The following NAV2 variants were observed in gnomAD, a reference collection of about 807,000 sequenced individuals.
NAV2 encodes neuron navigator 2, also known as helicase, APC down-regulated 1.
A neutral mutation model predicts 223.2 loss-of-function variants in NAV2; 54 were observed. That is an observed-to-expected ratio of 0.24 (90% CI 0.19 to 0.30). The LOEUF (loss-of-function observed/expected upper bound fraction) is 0.30, where lower values mean the gene tolerates loss of function less well. Among genes scored for constraint, NAV2 ranks in the 10% least tolerant of loss-of-function variants. NAV2 has a pLI of 1.00. For missense variants in NAV2, 2,806 were observed against 3,147.5 expected (o/e 0.89, Z 2.60); for synonymous variants, 1,279 against 1,239.3 (o/e 1.03, Z -0.67).
At chr11:19,408,412 A>G (rs1409618221) in intron 1 of NAV2, among the ~76,000 whole-genome samples, 1 of 152,244 alleles carries the variant, frequency 6.6e-6, no homozygotes, top group Non-Finnish European at 1.5e-5. Flanking sequence ...CAGTCACTCC[A>G]GATAATTTTT....
At chr11:19,549,133 C>T (rs1017598819) in intron 1 of NAV2, among the ~76,000 whole-genome samples, 2 of 152,146 alleles carry the variant, frequency 1.3e-5, no homozygotes, top group Non-Finnish European at 2.9e-5. Flanking sequence ...AAGGACATTT[C>T]TTATTGTCTT....
intron 26 of NAV2, among the ~76,000 whole-genome samples, chr11:20,086,221 G>C (rs541818010): frequency 3.5e-4 from 53 of 152,302 alleles, no homozygotes; most frequent in Non-Finnish European, 6.5e-4. Context: ...AATTTACAAA[G>C]ATCAGTCTCT....
Position 19,934,246 on chromosome 11 carries a change from A to C in NAV2, c.2002A>C (p.Asn668His), listed in dbSNP as rs1344366531. The C allele has an allele frequency of 1.2e-6, 2 of 1,607,040 alleles. No homozygotes were observed. The highest frequency in any genetic ancestry group is 8.5e-7 in the Non-Finnish European group (1 of 1,176,480). Residue 668 changes from asparagine to histidine, a missense_variant, in exon 7 of 38, where the codon AAC (asparagine) becomes CAC (histidine). Around this residue, in one of 4 missense-constraint regions of NAV2, gnomAD observed 1,167 missense variants for 1,180.5 expected, o/e 0.99. Transcript: ENST00000349880. ...PQPQQQYNHP[N>H]TATVAPFLYR... ...GCCCCAGCAGCAATACAACCATCCC[A>C]ACACTGCCACGGTTGCACCTTTCCT...
At chr11:19,591,358 A>G (rs2046054423) in intron 1 of NAV2, 1 of 152,220 alleles carries the variant, frequency 6.6e-6, no homozygotes, top group Non-Finnish European at 1.5e-5. Context: ...GGTCCAGGAT[A>G]GTTTCTCATT....
intron 1 of NAV2, among the ~76,000 whole-genome samples, chr11:19,723,006 T>A (rs1398157752): frequency 6.6e-6 from 1 of 152,158 alleles, no homozygotes; most frequent in Non-Finnish European, 1.5e-5. Flanking sequence ...GAGGATGTAA[T>A]AATGGCACTG....
intron 6 of NAV2, among the ~76,000 whole-genome samples, chr11:19,926,676 A>T (rs2044782127): frequency 6.6e-6 from 1 of 152,160 alleles, no homozygotes; most frequent in African/African-American, 2.4e-5. Context: ...AGTTTCAATT[A>T]TACTAACCAA....
chr11:19,545,640 G>A (rs2044475498), intron 1 of NAV2, among the ~76,000 whole-genome samples: 1 of 152,044 alleles, frequency 6.6e-6, no homozygotes, highest in African/African-American at 2.4e-5. Flanking sequence ...GAAATAGTAA[G>A]AAAACTAAGC....
In NAV2 at chr11:19,598,143, G is replaced by A. The variant is rs1291306694; in HGVS notation, c.76-234341G>A. Among the ~76,000 whole-genome samples, 7 of 152,364 alleles carry A rather than the reference G, an allele frequency of 4.6e-5. No homozygotes were observed. In the East Asian group the frequency reaches 1.4e-3, roughly 29 times the overall value. On this transcript the variant is annotated intron_variant, in intron 1 of 37. Coordinates refer to the NAV2 transcript ENST00000360655. ...CAGCCAGATGGAAGAGCGGCTTTTGGGAGCAGGGAGAGGGGAGGGAGTGTG... is the reference window on the plus strand; with the variant it reads ...CAGCCAGATGGAAGAGCGGCTTTTGAGAGCAGGGAGAGGGGAGGGAGTGTG...
In NAV2 at chr11:19,728,155, T is replaced by C. The variant is rs138486913; in HGVS notation, c.267+14193T>C. ...ATGCGTCGAGATGCTCCTTGAGAGG[T>C]TGTAGAAAGTCCACTTTGGCCACTG... On this transcript the variant is annotated intron_variant, in intron 1 of 37. Transcript: ENST00000349880. Among the ~76,000 whole-genome samples the C allele has an allele frequency of 2.0e-4, 31 of 152,210 alleles. 1 individual carries two copies. The East Asian group carries it at 4.5e-3, about 22-fold the overall frequency.
chr11:19,613,385 T>C (rs977634027), intron 1 of NAV2, among the ~76,000 whole-genome samples: 10 of 152,350 alleles, frequency 6.6e-5, no homozygotes, highest in Admixed American at 2.6e-4. Context: ...TATGCTTTCC[T>C]GTTTCCTTTC....
At position 19,350,901 on chromosome 11, in the gene NAV2, C is replaced by T. The variant is rs990275943; in HGVS notation, c.-52C>T. 9.8e-6 allele frequency: 15 copies of T among 1,531,098 alleles called. No individual in the cohort carries two copies. The East Asian group carries it at 2.9e-4, about 30-fold the overall frequency. 94.8% of individuals were successfully genotyped at this position (1,531,098 alleles called of 1,614,324 possible). A position where few individuals can be genotyped will look rare whatever the true frequency, so the allele number is the denominator to read the frequency against. On this transcript the variant is annotated 5_prime_UTR_variant, in exon 1 of 38. Transcript: ENST00000360655. ...CTTTTGTGTGGGTTATTTTGTTCCT[C>T]TGTGGATTTGGAAGCATCGCTGAAG...
At chr11:19,494,473 C>T (rs2042730707) in intron 1 of NAV2, among the ~76,000 whole-genome samples, 1 of 152,184 alleles carries the variant, frequency 6.6e-6, no homozygotes, top group Non-Finnish European at 1.5e-5. Context: ...CTCCCACTTC[C>T]CAGTAAAGTT....
chr11:19,414,268 C>T (rs7948699), intron 1 of NAV2, among the ~76,000 whole-genome samples: 3 of 151,838 alleles, frequency 2.0e-5, no homozygotes, highest in Non-Finnish European at 4.4e-5. Flanking sequence ...AAACAACCAA[C>T]CAAACAAACA....
At chr11:19,405,501 A>C (rs575638275) in intron 1 of NAV2, among the ~76,000 whole-genome samples, 4 of 152,306 alleles carry the variant, frequency 2.6e-5, no homozygotes, top group African/African-American at 9.6e-5. Context: ...AAGGAGTAAC[A>C]TGAGGCTGCT....
At chr11:20,103,492 G>A in intron 33 of NAV2, 83 bp downstream of exon 33, 4 of 1,537,946 alleles carry the variant, frequency 2.6e-6, no homozygotes, top group Non-Finnish European at 3.6e-6. Context: ...GGTGGCCCGG[G>A]GCCGTTGTGG....
At chr11:19,939,880 G>A in intron 8 of NAV2, 107 bp downstream of exon 8, 1 of 648,096 alleles carries the variant, frequency 1.5e-6, no homozygotes, top group South Asian at 2.4e-5. Context: ...CATTATGTTT[G>A]CATTGACTTT....
chr11:19,525,250 C>A (rs1204600463), intron 1 of NAV2, among the ~76,000 whole-genome samples: 1 of 152,170 alleles, frequency 6.6e-6, no homozygotes, highest in Non-Finnish European at 1.5e-5. Flanking sequence ...GGACACATGG[C>A]AAGTAGGTGG....
At chr11:19,902,610 C>T (rs368393980) in intron 6 of NAV2, among the ~76,000 whole-genome samples, 9 of 152,170 alleles carry the variant, frequency 5.9e-5, no homozygotes, top group South Asian at 2.1e-4. Context: ...GATGATAAAT[C>T]TCAGCATTTC....
intron 1 of NAV2, among the ~76,000 whole-genome samples, chr11:19,398,921 G>A (rs1038629648): frequency 1.3e-3 from 195 of 152,298 alleles, no homozygotes; most frequent in African/African-American, 4.2e-3. Context: ...TGCTTAAGTC[G>A]CAGCTGGAGG....
Sources: gnomAD v4.1 joint callset for allele counts (sites outside exome capture counted in the v4.1 genomes callset) on GRCh38, gnomAD v4.1.1 for gene constraint, gnomAD v4.1.1 regional missense constraint, MANE v1.5 for transcripts, NCBI Gene and HGNC (gene_info 2026-07-23, HGNC 2026-07-21) for gene names.